CDKAL1: variants seen among roughly 807,000 people sequenced by gnomAD.
CDKAL1 encodes CDKAL1 threonylcarbamoyladenosine tRNA methylthiotransferase, also known as threonylcarbamoyladenosine tRNA methylthiotransferase.
Under a neutral mutation model 68.2 loss-of-function variants are expected in CDKAL1, and 32 were observed. The ratio of observed to expected loss-of-function variants is 0.47; its 90% CI spans 0.35 to 0.63. The LOEUF is 0.63. CDKAL1 is among the 30% of genes least tolerant of loss of function. The pLI, the probability that CDKAL1 is intolerant of heterozygous loss-of-function variation, is 0.00. For missense variants in CDKAL1, 606 were observed against 696.7 expected, an observed-to-expected ratio of 0.87 and a Z score of 1.47; for synonymous variants, 234 against 244.3, an observed-to-expected ratio of 0.96 and a Z score of 0.39.
chr6:20,659,356 T>A (rs6456367), intron 5 of CDKAL1, among the ~76,000 whole-genome samples: 60,188 of 151,988 alleles, frequency 0.4, 13,048 homozygotes, highest in African/African-American at 0.58. Context: ...GTTTCATCTT[T>A]TTGTTTAAAA....
At chr6:20,798,893 CCTAG>C (rs1234859387) in intron 8 of CDKAL1, among the ~76,000 whole-genome samples, 7 of 145,820 alleles carry the variant, frequency 4.8e-5, no homozygotes, top group African/African-American at 1.8e-4. Context: ...GCACGTGTAC[CCTAG>C]AACTTAAAGT....
chr6:20,940,359 A>G (rs1005291915), intron 9 of CDKAL1, among the ~76,000 whole-genome samples: 2 of 152,188 alleles, frequency 1.3e-5, no homozygotes, highest in South Asian at 4.1e-4. Context: ...ATTCATGTTA[A>G]TTCTTTTAGT....
intron 5 of CDKAL1, among the ~76,000 whole-genome samples, chr6:20,735,931 C>G (rs189829757): frequency 6.6e-6 from 1 of 152,192 alleles, no homozygotes; most frequent in African/African-American, 2.4e-5. Context: ...ATTGGATTCT[C>G]TCACACTTTG....
intron 9 of CDKAL1, among the ~76,000 whole-genome samples, chr6:20,904,913 T>C (rs1762167718): frequency 6.6e-6 from 1 of 152,070 alleles, no homozygotes; most frequent in African/African-American, 2.4e-5. Context: ...AGACTGCCTA[T>C]ATCAATCAAA....
intron 11 of CDKAL1, among the ~76,000 whole-genome samples, chr6:21,056,664 A>G (rs1183348600): frequency 6.6e-6 from 1 of 152,184 alleles, no homozygotes; most frequent in Non-Finnish European, 1.5e-5. Context: ...TGGGTTTGTC[A>G]TAAATGGCTC....
rs149423430 is a variant in CDKAL1, at chr6:20,855,819, C to A, written c.742+9641C>A. On this transcript the variant is annotated intron_variant, in intron 9 of 15. Transcript: ENST00000274695. ...TAATAAGTATACATCCATGGGAATA[C>A]TTTTAAAAATTTTTTTAGCTGATTC... Among the ~76,000 whole-genome samples the A allele has an allele frequency of 3.9e-5, 6 of 152,212 alleles. No individual in the cohort carries two copies. The East Asian group carries it at 1.2e-3, about 29-fold the overall frequency.
chr6:20,974,389 T>C (rs1765741024), intron 10 of CDKAL1, among the ~76,000 whole-genome samples: 1 of 152,142 alleles, frequency 6.6e-6, no homozygotes, highest in Non-Finnish European at 1.5e-5. Context: ...ATTTGGGAAT[T>C]TTATTACTGA....
rs190794059 is a variant in CDKAL1, at chr6:20,660,605, C to T, written c.371+11228C>T. On this transcript the variant is annotated intron_variant, in intron 5 of 15. Transcript: ENST00000274695. ...TGTGCTCCTCACTATCCTAAATGAG[C>T]TCCGGGCCAGCTTCAGGGCTGTGGC... Among the ~76,000 whole-genome samples the T allele has an allele frequency of 4.4e-3, 671 of 152,278 alleles. 5 individuals are homozygous for T. Among genetic ancestry groups the T allele is most frequent in the African/African-American group, 0.015 (637 of 41,522 alleles).
At chr6:20,887,025 C>T (rs905657593) in intron 9 of CDKAL1, among the ~76,000 whole-genome samples, 1 of 152,016 alleles carries the variant, frequency 6.6e-6, no homozygotes, top group Non-Finnish European at 1.5e-5. Context: ...AAGATTTGAA[C>T]AGATACTTCA....
chr6:20,654,499 T>C (rs1161887064), intron 5 of CDKAL1, among the ~76,000 whole-genome samples: 1 of 152,162 alleles, frequency 6.6e-6, no homozygotes, highest in African/African-American at 2.4e-5. Flanking sequence ...TGTGTTCTTA[T>C]TGTTTAAGAA....
At chr6:20,939,967 A>G (rs1025412348) in intron 9 of CDKAL1, among the ~76,000 whole-genome samples, 3 of 152,218 alleles carry the variant, frequency 2.0e-5, no homozygotes, top group African/African-American at 7.2e-5. Flanking sequence ...TGCTATTTGC[A>G]GTAAGAACTA....
intron 10 of CDKAL1, among the ~76,000 whole-genome samples, chr6:20,998,547 G>T (rs1041166812): frequency 6.6e-6 from 1 of 151,878 alleles, no homozygotes; most frequent in Non-Finnish European, 1.5e-5. Context: ...GGAGGTGGAG[G>T]TGGCAGTGAG....
In CDKAL1 at chr6:20,758,603, G is replaced by C; in HGVS notation, c.477G>C (p.Gln159His). The change falls in exon 7 of 16, where the codon CAG becomes CAC. Residue 159 changes from glutamine to histidine, a missense_variant. Gln to His is a conservative substitution (Grantham distance 24, BLOSUM62 0). Coordinates refer to ENST00000274695, the MANE Select transcript of CDKAL1 (RefSeq NM_017774.3). ...TTTTTTTTTTTTTCCAGGTTCAGCA[G>C]ATAGATCGTGTGGTAGAAGTTGTGG... ...LKGLSIIGVQ[Q>H]IDRVVEVVEE... 6.2e-7 allele frequency: 1 copy of C among 1,604,822 alleles called. No individual in the cohort carries two copies. The highest frequency in any genetic ancestry group is 8.5e-7 in the Non-Finnish European group (1 of 1,176,418).
intron 13 of CDKAL1, among the ~76,000 whole-genome samples, chr6:21,128,661 C>T (rs1283095554): frequency 1.3e-5 from 2 of 152,106 alleles, no homozygotes; most frequent in Non-Finnish European, 2.9e-5. Flanking sequence ...GCTGGTCACT[C>T]ACAAAATCTG....
At chr6:21,042,936 G>A (rs1582084504) in intron 11 of CDKAL1, among the ~76,000 whole-genome samples, 3 of 152,100 alleles carry the variant, frequency 2.0e-5, no homozygotes, top group African/African-American at 7.2e-5. Flanking sequence ...TCTGCTGAGA[G>A]TGTATAAAAA....
At chr6:21,120,565 A>C (rs79279246) in intron 13 of CDKAL1, among the ~76,000 whole-genome samples, 1,613 of 152,324 alleles carry the variant, frequency 0.011, 24 homozygotes, top group Admixed American at 0.028. Flanking sequence ...TTTCTTCTCC[A>C]GAGGCAACCA....
chr6:20,646,183 A>G (rs1479605477), intron 4 of CDKAL1, among the ~76,000 whole-genome samples: 2 of 148,072 alleles, frequency 1.4e-5, no homozygotes, highest in African/African-American at 5.1e-5. Context: ...CAGCCTCCCG[A>G]GTAGCTGGGA....
chr6:21,202,450 T>C (rs1328555600), intron 15 of CDKAL1, among the ~76,000 whole-genome samples: 2 of 152,168 alleles, frequency 1.3e-5, no homozygotes, highest in Non-Finnish European at 2.9e-5. Flanking sequence ...GAAGGAGCAG[T>C]GTAACCTGGC....
intron 5 of CDKAL1, among the ~76,000 whole-genome samples, chr6:20,667,006 A>G (rs569767654): frequency 1.3e-4 from 16 of 126,792 alleles, no homozygotes; most frequent in South Asian, 2.3e-4. Flanking sequence ...ACAAATGTCT[A>G]TGTTCTCTGG....
Sources: gnomAD v4.1 joint callset for allele counts (sites outside exome capture counted in the v4.1 genomes callset) on GRCh38, gnomAD v4.1.1 for gene constraint, MANE v1.5 for transcripts, NCBI Gene and HGNC (gene_info 2026-07-23, HGNC 2026-07-21) for gene names.